The following SDK1 variants were observed in gnomAD, a reference collection of about 807,000 sequenced individuals.
SDK1 encodes the protein protein sidekick-1.
In SDK1, 157 loss-of-function variants were observed where a neutral mutation model predicts 245.5. That is an observed-to-expected ratio of 0.64 (90% confidence interval 0.56 to 0.73). The LOEUF is 0.73. Among genes scored for constraint, SDK1 ranks in the 30% least tolerant of loss-of-function variants. SDK1 has a pLI of 0.00. For missense variants in SDK1, 3,583 were observed against 3,002.3 expected (o/e 1.19, Z -4.52); for synonymous variants, 1,647 against 1,278.5 (o/e 1.29, Z -6.15).
At position 4,102,998 on chromosome 7, in the gene SDK1, C is replaced by T. The variant is rs568619464; in HGVS notation, c.3325-7665C>T. Among the ~76,000 whole-genome samples, 870 of 151,150 alleles carry T rather than the reference C, an allele frequency of 5.8e-3. 11 individuals are homozygous for T. Among genetic ancestry groups the T allele is most frequent in the African/African-American group, 0.02 (823 of 41,254 alleles). On this transcript the variant is annotated intron_variant, in intron 22 of 44. Coordinates refer to ENST00000404826, the MANE Select transcript of SDK1 (RefSeq NM_152744.4). ...AAAAGCCGTTCAAAATCCCGGCTTC[C>T]CCACAGAGCTTTTTTTTTTGGAGAC...
intron 35 of SDK1, among the ~76,000 whole-genome samples, chr7:4,179,797 G>A (rs115142183): frequency 0.045 from 6,788 of 151,960 alleles, 239 homozygotes; most frequent in African/African-American, 0.095. Context: ...GGCGGCCATG[G>A]CAGATTCTGT....
At chr7:3,812,302 C>T (rs1431853016) in intron 4 of SDK1, among the ~76,000 whole-genome samples, 1 of 152,206 alleles carries the variant, frequency 6.6e-6, no homozygotes, top group East Asian at 1.9e-4. Flanking sequence ...ACACATTTAT[C>T]GACTACACAC....
chr7:4,037,245 G>A (rs1025276372), intron 17 of SDK1, among the ~76,000 whole-genome samples: 3 of 152,170 alleles, frequency 2.0e-5, no homozygotes, highest in African/African-American at 4.8e-5. Flanking sequence ...TCATTAAATC[G>A]AACAAGCTTC....
intron 1 of SDK1, among the ~76,000 whole-genome samples, chr7:3,357,057 A>G (rs1450896360): frequency 1.7e-4 from 20 of 117,916 alleles, no homozygotes; most frequent in African/African-American, 4.3e-4. Flanking sequence ...TCTCTCGAAA[A>G]AAAAAAAAAA....
chr7:3,410,305 G>A (rs556925108), intron 1 of SDK1, among the ~76,000 whole-genome samples: 1 of 151,796 alleles, frequency 6.6e-6, no homozygotes, highest in Admixed American at 6.5e-5. Context: ...AATATATAAA[G>A]TTAGCTTCAG....
chr7:3,334,297 T>C (rs1780143766), intron 1 of SDK1, among the ~76,000 whole-genome samples: 2 of 152,234 alleles, frequency 1.3e-5, no homozygotes, highest in African/African-American at 4.8e-5. Context: ...TTGACTTGTT[T>C]GCTGATGAAA....
chr7:3,581,038 G>C (rs1274335949), intron 1 of SDK1, among the ~76,000 whole-genome samples: 2 of 147,420 alleles, frequency 1.4e-5, no homozygotes, highest in Non-Finnish European at 3.0e-5. Context: ...TACCATTCTG[G>C]ACATAAGAAC....
At chr7:3,477,667 C>T (rs1781390777) in intron 1 of SDK1, among the ~76,000 whole-genome samples, 1 of 151,894 alleles carries the variant, frequency 6.6e-6, no homozygotes, top group Non-Finnish European at 1.5e-5. Context: ...GCACACACTA[C>T]CACACCCAGC....
intron 5 of SDK1, among the ~76,000 whole-genome samples, chr7:3,885,240 C>T (rs1781309351): frequency 1.3e-5 from 2 of 152,152 alleles, no homozygotes; most frequent in African/African-American, 4.8e-5. Context: ...GCTATAAGTG[C>T]ACTGGCAGTG....
At chr7:3,454,423 T>TGCGC (rs1215317986) in intron 1 of SDK1, among the ~76,000 whole-genome samples, 8 of 150,038 alleles carry the variant, frequency 5.3e-5, no homozygotes, top group Non-Finnish European at 7.4e-5. Flanking sequence ...TGTGTGTGTG[T>TGCGC]GCTGTGTACA....
intron 28 of SDK1, chr7:4,134,658 G>GGC (rs1778935907): frequency 2.6e-5 from 4 of 152,422 alleles, no homozygotes; most frequent in Admixed American, 2.6e-4. Context: ...CCTCCACCCT[G>GGC]GCAGGGCCCC....
At chr7:3,757,114 G>T (rs996888484) in intron 4 of SDK1, among the ~76,000 whole-genome samples, 1 of 152,056 alleles carries the variant, frequency 6.6e-6, no homozygotes, top group Non-Finnish European at 1.5e-5. Flanking sequence ...AACTCCCAGC[G>T]TTAGCACAGA....
intron 2 of SDK1, among the ~76,000 whole-genome samples, chr7:3,629,780 G>C (rs1161819444): frequency 2.0e-5 from 3 of 152,174 alleles, no homozygotes; most frequent in East Asian, 1.9e-4. Context: ...TCTAATCAAA[G>C]ATCATCAAGC....
intron 1 of SDK1, among the ~76,000 whole-genome samples, chr7:3,540,228 G>C (rs1369827590): frequency 6.6e-6 from 1 of 152,138 alleles, no homozygotes; most frequent in Non-Finnish European, 1.5e-5. Context: ...CCAACATGAC[G>C]AAACCCCATC....
Position 4,037,890 on chromosome 7 carries a change from A to T in SDK1, c.2603-11458A>T, listed in dbSNP as rs376834563. On this transcript the variant is annotated intron_variant, in intron 17 of 44. Transcript: ENST00000404826. ...TACCTTTTTACCATCATTGGTATCC[A>T]AAACTTATAATTTTTTTCTCTATTA... Among the ~76,000 whole-genome samples the T allele has an allele frequency of 1.9e-3, 283 of 152,334 alleles. 1 individual carries two copies. The highest frequency in any genetic ancestry group is 6.5e-3 in the African/African-American group (272 of 41,576).
intron 4 of SDK1, among the ~76,000 whole-genome samples, chr7:3,805,171 A>G (rs1310016712): frequency 1.3e-5 from 2 of 152,226 alleles, no homozygotes; most frequent in Admixed American, 6.5e-5. Context: ...AATTTGTGCT[A>G]TATTTTATGC....
intron 1 of SDK1, among the ~76,000 whole-genome samples, chr7:3,383,024 G>A (rs1209157800): frequency 6.6e-6 from 1 of 152,046 alleles, no homozygotes; most frequent in Non-Finnish European, 1.5e-5. Context: ...GATATTACTA[G>A]CAAATCACCC....
chr7:3,643,964 G>A (rs28698721), intron 4 of SDK1, among the ~76,000 whole-genome samples: 8 of 150,254 alleles, frequency 5.3e-5, no homozygotes, highest in Admixed American at 2.7e-4. Context: ...GTACAGTGGC[G>A]TGATCTCAGC....
intron 1 of SDK1, among the ~76,000 whole-genome samples, chr7:3,496,279 A>G (rs912388105): frequency 2.6e-5 from 4 of 152,068 alleles, no homozygotes; most frequent in Non-Finnish European, 5.9e-5. Context: ...GTGTGGAAGC[A>G]TGTGTATGTT....
Sources: gnomAD v4.1 joint callset for allele counts (sites outside exome capture counted in the v4.1 genomes callset) on GRCh38, gnomAD v4.1.1 for gene constraint, MANE v1.5 for transcripts, NCBI Gene and HGNC (gene_info 2026-07-23, HGNC 2026-07-21) for gene names.